The following ALOX5AP variants were observed in gnomAD, a reference collection of about 807,000 sequenced individuals.
The protein encoded by ALOX5AP is arachidonate 5-lipoxygenase-activating protein.
ALOX5AP carries 9 observed loss-of-function variants against 18.5 expected under a neutral mutation model. That is an observed-to-expected ratio of 0.49 (90% CI 0.29 to 0.85). ALOX5AP has a LOEUF of 0.85. ALOX5AP is among the 40% of genes least tolerant of loss of function. ALOX5AP has a pLI of 0.08. For missense variants in ALOX5AP, 172 were observed against 202.5 expected (o/e 0.85, Z 0.91); for synonymous variants, 81 against 78.6 (o/e 1.03, Z -0.16).
chr13:30,738,892 G>A (rs1477034107), intron 1 of ALOX5AP, among the ~76,000 whole-genome samples: 2 of 152,076 alleles, frequency 1.3e-5, no homozygotes, highest in Non-Finnish European at 2.9e-5. Context: ...TGAGCATAGT[G>A]CTAAGGAGGG....
intron 3 of ALOX5AP, among the ~76,000 whole-genome samples, chr13:30,754,966 T>G (rs1160561710): frequency 6.6e-6 from 1 of 152,208 alleles, no homozygotes; most frequent in African/African-American, 2.4e-5. Context: ...ATGGCGGAAG[T>G]GTTTAAATTG....
intron 1 of ALOX5AP, among the ~76,000 whole-genome samples, chr13:30,721,046 A>G (rs1010240847): frequency 2.0e-5 from 3 of 152,122 alleles, no homozygotes; most frequent in Non-Finnish European, 4.4e-5. Context: ...CACATGGGGG[A>G]AATGGAGCTT....
At chr13:30,718,107 G>A (rs1951563847) in intron 1 of ALOX5AP, among the ~76,000 whole-genome samples, 2 of 151,992 alleles carry the variant, frequency 1.3e-5, no homozygotes, top group Non-Finnish European at 1.5e-5. Flanking sequence ...TTACAGGCGT[G>A]TGCCACCATG....
chr13:30,720,861 A>C (rs1448791646), intron 1 of ALOX5AP, among the ~76,000 whole-genome samples: 2 of 152,208 alleles, frequency 1.3e-5, no homozygotes, highest in Non-Finnish European at 2.9e-5. Flanking sequence ...TCCCTAAGAG[A>C]ATGGGTTGTC....
chr13:30,744,268 T>C, intron 2 of ALOX5AP, 109 bp downstream of exon 2: 1 of 965,616 alleles, frequency 1.0e-6, no homozygotes, highest in Non-Finnish European at 1.6e-6. Flanking sequence ...GCCAAGTTTC[T>C]GAGCGCCAGG....
Position 30,763,983 on chromosome 13 carries a change from C to G in ALOX5AP, c.363C>G (p.Phe121Leu). ...GYIFGKRIIL[F>L]LFLMSVAGIF... ...TATTTGGGAAACGCATCATACTCTT[C>G]CTGTTCCTCATGTCCGTTGCTGGCA... Residue 121 changes from phenylalanine to leucine, a missense_variant, in exon 5 of 5, where the codon TTC becomes TTG. Phe to Leu is a conservative substitution (Grantham distance 22). Coordinates refer to ENST00000380490, the MANE Select transcript of ALOX5AP (RefSeq NM_001629.4). 1 of 1,614,192 alleles carries G rather than the reference C, an allele frequency of 6.2e-7. No individual in the cohort carries two copies. The highest frequency in any genetic ancestry group is 1.1e-5 in the South Asian group (1 of 91,076).
intron 1 of ALOX5AP, among the ~76,000 whole-genome samples, chr13:30,721,917 C>A (rs1003993995): frequency 6.6e-6 from 1 of 152,138 alleles, no homozygotes; most frequent in Non-Finnish European, 1.5e-5. Flanking sequence ...TTTGTATTTG[C>A]CAAGACAACA....
Position 30,752,129 on chromosome 13 carries a change from C to G in ALOX5AP, c.241+7C>G. ...GGGCTACTTTGCAGCCAAGGTAACT[C>G]AGACTTCCCTTTGTTCATTCTCCTT... On this transcript the variant is annotated splice_region_variant and intron_variant, in intron 3 of 4. Transcript: ENST00000380490. The G allele has an allele frequency of 6.2e-7, 1 of 1,613,566 alleles. No homozygotes were observed. Among genetic ancestry groups the G allele is most frequent in the Non-Finnish European group, 8.5e-7 (1 of 1,179,476 alleles).
chr13:30,720,041 T>C (rs377618603), intron 1 of ALOX5AP, among the ~76,000 whole-genome samples: 1 of 152,172 alleles, frequency 6.6e-6, no homozygotes, highest in African/African-American at 2.4e-5. Flanking sequence ...TTCGTATTTT[T>C]AGTAGAGACG....
chr13:30,732,255 G>C (rs1030267664), upstream of ALOX5AP, among the ~76,000 whole-genome samples: 2 of 143,848 alleles, frequency 1.4e-5, no homozygotes, highest in Admixed American at 1.3e-4. Flanking sequence ...GCCCCAGAAG[G>C]TGTGGGGCCC....
chr13:30,743,008 A>G (rs1951780331), intron 1 of ALOX5AP, among the ~76,000 whole-genome samples: 1 of 151,888 alleles, frequency 6.6e-6, no homozygotes, highest in East Asian at 1.9e-4. Flanking sequence ...TTCCTGCCAC[A>G]CTAAAGACAG....
intron 1 of ALOX5AP, among the ~76,000 whole-genome samples, chr13:30,729,371 G>C (rs781779541): frequency 2.0e-5 from 3 of 152,050 alleles, no homozygotes; most frequent in Non-Finnish European, 2.9e-5. Flanking sequence ...AGTTGTTCTA[G>C]CACCCTTGTT....
chr13:30,715,586 T>C (rs1432335225), intron 1 of ALOX5AP, among the ~76,000 whole-genome samples: 1 of 152,168 alleles, frequency 6.6e-6, no homozygotes, highest in Non-Finnish European at 1.5e-5. Flanking sequence ...ACATCACTTA[T>C]GGGGTGGGAA....
At chr13:30,757,422 A>T (rs1951905293) in intron 4 of ALOX5AP, among the ~76,000 whole-genome samples, 1 of 152,110 alleles carries the variant, frequency 6.6e-6, no homozygotes, top group Non-Finnish European at 1.5e-5. Flanking sequence ...ATTCTTATTT[A>T]TCCTCTAAAA....
chr13:30,756,420 A>G (rs1038001945), intron 4 of ALOX5AP, among the ~76,000 whole-genome samples: 6 of 152,194 alleles, frequency 3.9e-5, no homozygotes, highest in Non-Finnish European at 5.9e-5. Flanking sequence ...TAGAGAAATG[A>G]GAACTAAAGC....
chr13:30,730,045 G>A (rs1448892076), intron 1 of ALOX5AP, among the ~76,000 whole-genome samples: 1 of 152,226 alleles, frequency 6.6e-6, no homozygotes, highest in East Asian at 1.9e-4. Context: ...ATCTGTCTGT[G>A]TGAATGGCTA....
intron 1 of ALOX5AP, among the ~76,000 whole-genome samples, chr13:30,719,913 G>C (rs1453022248): frequency 6.6e-6 from 1 of 151,634 alleles, no homozygotes; most frequent in African/African-American, 2.4e-5. Flanking sequence ...CTAGGCTGGA[G>C]TGCAGTGGCG....
At chr13:30,730,955 C>T (rs1275098194), upstream of ALOX5AP, among the ~76,000 whole-genome samples, 2 of 150,502 alleles carry the variant, frequency 1.3e-5, no homozygotes, top group Admixed American at 1.3e-4. Context: ...GCATATTTGT[C>T]TAACTAACCT....
At chr13:30,715,103 C>A (rs970055191) in intron 1 of ALOX5AP, among the ~76,000 whole-genome samples, 5 of 152,128 alleles carry the variant, frequency 3.3e-5, no homozygotes, top group Non-Finnish European at 7.4e-5. Context: ...TTGCTTGAGT[C>A]CCCTGGTCAT....
Sources: gnomAD v4.1 joint callset for allele counts (sites outside exome capture counted in the v4.1 genomes callset) on GRCh38, gnomAD v4.1.1 for gene constraint, MANE v1.5 for transcripts, NCBI Gene and HGNC (gene_info 2026-07-23, HGNC 2026-07-21) for gene names.